The following MAGI2 variants were observed in gnomAD, a reference collection of about 807,000 sequenced individuals.
MAGI2 encodes membrane-associated guanylate kinase, WW and PDZ domain-containing protein 2.
MAGI2 carries 35 observed loss-of-function variants against 133.3 expected under a neutral mutation model. That is an observed-to-expected ratio of 0.26 (90% CI 0.20 to 0.35). The LOEUF is 0.35. MAGI2 is among the 10% of genes least tolerant of loss of function. MAGI2 has a pLI of 1.00. For synonymous variants in MAGI2, 729 were observed against 710.6 expected, an observed-to-expected ratio of 1.03 and a Z score of -0.41; for missense variants, 1,636 against 1,863.4, an observed-to-expected ratio of 0.88 and a Z score of 2.25.
chr7:79,054,024 C>A (rs934527116), intron 1 of MAGI2, among the ~76,000 whole-genome samples: 1 of 151,870 alleles, frequency 6.6e-6, no homozygotes. Context: ...TGGTGAAACC[C>A]GCCTCTAGTA....
chr7:78,082,121 A>G (rs1405127819), intron 20 of MAGI2, among the ~76,000 whole-genome samples: 1 of 152,188 alleles, frequency 6.6e-6, no homozygotes, highest in Non-Finnish European at 1.5e-5. Context: ...ACCAAAAACC[A>G]TGTGGAGGGC....
chr7:78,581,781 C>A (rs984669987), intron 3 of MAGI2, among the ~76,000 whole-genome samples: 14 of 152,014 alleles, frequency 9.2e-5, no homozygotes, highest in Non-Finnish European at 4.4e-5. Context: ...AAAACCTGTG[C>A]ATTTTTTTTT....
chr7:79,291,200 A>C (rs1200497418), intron 1 of MAGI2, among the ~76,000 whole-genome samples: 1 of 152,078 alleles, frequency 6.6e-6, no homozygotes, highest in Non-Finnish European at 1.5e-5. Context: ...TTTTTCATTT[A>C]GCATAACGTT....
chr7:78,964,320 T>G (rs1285126022), intron 2 of MAGI2, among the ~76,000 whole-genome samples: 1 of 152,060 alleles, frequency 6.6e-6, no homozygotes, highest in Non-Finnish European at 1.5e-5. Flanking sequence ...TATACTTTTA[T>G]AGCATACTTT....
At chr7:78,350,832 C>A (rs138829867) in intron 7 of MAGI2, among the ~76,000 whole-genome samples, 1 of 152,112 alleles carries the variant, frequency 6.6e-6, no homozygotes, top group East Asian at 1.9e-4. Flanking sequence ...AGCCATTCCC[C>A]GACCCTCACC....
At chr7:78,369,408 A>T (rs531404247) in intron 6 of MAGI2, among the ~76,000 whole-genome samples, 195 bp from the exon 7 acceptor site, 7 of 152,216 alleles carry the variant, frequency 4.6e-5, no homozygotes, top group Admixed American at 1.3e-4. Flanking sequence ...GTTAAAACAC[A>T]GAGCTCTCTT....
intron 2 of MAGI2, among the ~76,000 whole-genome samples, chr7:78,699,528 G>A (rs1011182641): frequency 2.0e-5 from 3 of 152,074 alleles, no homozygotes; most frequent in Non-Finnish European, 2.9e-5. Context: ...TTAAGACATC[G>A]CATTATGTAT....
intron 3 of MAGI2, among the ~76,000 whole-genome samples, chr7:78,545,320 C>A (rs561159052): frequency 4.0e-5 from 6 of 148,624 alleles, no homozygotes; most frequent in Non-Finnish European, 8.9e-5. Flanking sequence ...TCAAGCAATT[C>A]TCCTGTCTCA....
chr7:78,880,879 G>A (rs1019580449), intron 2 of MAGI2, among the ~76,000 whole-genome samples: 2 of 152,042 alleles, frequency 1.3e-5, no homozygotes, highest in Admixed American at 1.3e-4. Flanking sequence ...ATTGGACAAA[G>A]ATCTATTACA....
chr7:78,317,002 AAG>A (rs1266361760), intron 9 of MAGI2, among the ~76,000 whole-genome samples: 2 of 138,580 alleles, frequency 1.4e-5, no homozygotes, highest in Non-Finnish European at 3.0e-5. Flanking sequence ...ACACTCCTGA[AAG>A]TTCTATATAT....
chr7:79,067,342 A>T (rs1274218697), intron 1 of MAGI2, among the ~76,000 whole-genome samples: 1 of 152,098 alleles, frequency 6.6e-6, no homozygotes, highest in Non-Finnish European at 1.5e-5. Flanking sequence ...TTGTATTCGT[A>T]GGTATTTTAT....
chr7:78,531,685 T>C lies in MAGI2; in HGVS notation c.539-10040A>G, dbSNP rs148172721. Among the ~76,000 whole-genome samples the C allele has an allele frequency of 7.4e-3, 1,123 of 152,316 alleles. 46 individuals carry two copies. The highest frequency in any genetic ancestry group is 0.068 in the Admixed American group (1,033 of 15,292). ...TTAATTAAATTTACTTCTTCAAAAA[T>C]TGATAAAGAAAACTGAGCCTTTCAA... is the stretch of plus-strand genomic sequence containing the variant. On this transcript the variant is annotated intron_variant, in intron 3 of 21. Coordinates refer to ENST00000354212, the MANE Select transcript of MAGI2 (RefSeq NM_012301.4).
At chr7:79,393,660 T>C (rs569102486) in intron 1 of MAGI2, among the ~76,000 whole-genome samples, 2 of 152,340 alleles carry the variant, frequency 1.3e-5, no homozygotes, top group African/African-American at 4.8e-5. Context: ...TTTCCTTTTA[T>C]TGGAAATCCC....
intron 2 of MAGI2, among the ~76,000 whole-genome samples, chr7:78,641,894 T>G (rs1411640199): frequency 6.6e-6 from 1 of 152,026 alleles, no homozygotes; most frequent in Non-Finnish European, 1.5e-5. Context: ...TGATCAAGAG[T>G]GGAAACACAT....
At chr7:78,690,823 C>T (rs1011981544) in intron 2 of MAGI2, among the ~76,000 whole-genome samples, 1 of 152,140 alleles carries the variant, frequency 6.6e-6, no homozygotes, top group Non-Finnish European at 1.5e-5. Flanking sequence ...TGAATAGTCA[C>T]TCTAAATGGA....
chr7:79,212,638 T>C (rs1001131064), intron 1 of MAGI2, among the ~76,000 whole-genome samples: 1 of 152,122 alleles, frequency 6.6e-6, no homozygotes, highest in African/African-American at 2.4e-5. Context: ...TGTCTCTTCT[T>C]ACAGGGCCAC....
chr7:78,341,243 C>A (rs1266219358), intron 9 of MAGI2, among the ~76,000 whole-genome samples: 1 of 152,048 alleles, frequency 6.6e-6, no homozygotes, highest in Non-Finnish European at 1.5e-5. Flanking sequence ...ACTAGGAATA[C>A]AACTTACGAG....
chr7:78,992,155 G>A (rs1398967135), intron 2 of MAGI2, among the ~76,000 whole-genome samples: 1 of 151,972 alleles, frequency 6.6e-6, no homozygotes, highest in South Asian at 2.1e-4. Flanking sequence ...AAAGTCTTGA[G>A]GCTGGCTATA....
chr7:79,288,739 G>A (rs1050365275), intron 1 of MAGI2, among the ~76,000 whole-genome samples: 2 of 152,088 alleles, frequency 1.3e-5, no homozygotes, highest in African/African-American at 4.8e-5. Context: ...AGATAGAAAA[G>A]CTAAGGTCAA....
Sources: allele counts gnomAD v4.1 joint callset (sites outside exome capture counted in the v4.1 genomes callset), GRCh38; gene constraint gnomAD v4.1.1; transcripts MANE v1.5; gene names NCBI Gene and HGNC (gene_info 2026-07-23, HGNC 2026-07-21).